The following CSMD1 variants were observed in gnomAD, a reference collection of about 807,000 sequenced individuals.
CSMD1 encodes the protein CUB and sushi domain-containing protein 1.
In CSMD1, 213 loss-of-function variants were observed where a neutral mutation model predicts 417.5. That is an observed-to-expected ratio of 0.51 (90% CI 0.46 to 0.57). The LOEUF is 0.57. Ranked by LOEUF, CSMD1 falls within the 20% of genes least tolerant of loss-of-function variation. The pLI, the probability that CSMD1 is intolerant of heterozygous loss-of-function variation, is 0.00. For missense variants in CSMD1, 6,923 were observed against 4,529.7 expected, an observed-to-expected ratio of 1.53 and a Z score of -15.17; for synonymous variants, 2,862 against 1,736.8, an observed-to-expected ratio of 1.65 and a Z score of -16.11.
At chr8:3,926,101 AC>A (rs1477282012) in intron 5 of CSMD1, among the ~76,000 whole-genome samples, 16 of 86,878 alleles carry the variant, frequency 1.8e-4, no homozygotes, top group African/African-American at 6.8e-4. Flanking sequence ...ACACACACAC[AC>A]ACACACACAC....
chr8:3,201,422 G>C (rs1271654588), intron 32 of CSMD1, among the ~76,000 whole-genome samples, 190 bp downstream of exon 32: 7 of 152,112 alleles, frequency 4.6e-5, no homozygotes, highest in Admixed American at 4.6e-4. Context: ...AAAAGCACGT[G>C]ATTTTATGTG....
intron 46 of CSMD1, among the ~76,000 whole-genome samples, chr8:3,101,744 C>T (rs1815762574): frequency 6.6e-6 from 1 of 151,234 alleles, no homozygotes; most frequent in African/African-American, 2.4e-5. Flanking sequence ...TTTCAAAGAA[C>T]AATGCACTCT....
At chr8:3,788,650 G>A (rs1043895430) in intron 5 of CSMD1, among the ~76,000 whole-genome samples, 3 of 152,170 alleles carry the variant, frequency 2.0e-5, no homozygotes, top group Non-Finnish European at 4.4e-5. Flanking sequence ...CTCTGAGGTA[G>A]ATAAATGTAG....
At chr8:4,855,927 C>A (rs1188728113) in intron 1 of CSMD1, among the ~76,000 whole-genome samples, 1 of 149,806 alleles carries the variant, frequency 6.7e-6, no homozygotes, top group Non-Finnish European at 1.5e-5. Context: ...CACAAAGATA[C>A]TCCTCGAGAA....
At chr8:3,954,524 T>G (rs1811806447) in intron 5 of CSMD1, among the ~76,000 whole-genome samples, 1 of 151,826 alleles carries the variant, frequency 6.6e-6, no homozygotes, top group Admixed American at 6.6e-5. Flanking sequence ...CCACCACCAC[T>G]CCCAGATAAT....
intron 42 of CSMD1, among the ~76,000 whole-genome samples, chr8:3,118,039 G>C (rs529472120): frequency 7.9e-5 from 12 of 152,124 alleles, no homozygotes; most frequent in Admixed American, 2.6e-4. Context: ...TTTTCCCTCT[G>C]GTCCTACAAT....
At chr8:3,834,817 A>T (rs1004134306) in intron 5 of CSMD1, among the ~76,000 whole-genome samples, 1 of 152,050 alleles carries the variant, frequency 6.6e-6, no homozygotes, top group Non-Finnish European at 1.5e-5. Flanking sequence ...CAACCTACTC[A>T]TCTGACAAAG....
At chr8:4,832,504 C>A (rs547089520) in intron 1 of CSMD1, among the ~76,000 whole-genome samples, 6 of 152,194 alleles carry the variant, frequency 3.9e-5, no homozygotes, top group Non-Finnish European at 7.4e-5. Flanking sequence ...CTTCTCTAGG[C>A]AGAAGGAACT....
At chr8:3,665,413 C>G (rs2117481937) in intron 7 of CSMD1, among the ~76,000 whole-genome samples, 1 of 152,180 alleles carries the variant, frequency 6.6e-6, no homozygotes, top group African/African-American at 2.4e-5. Context: ...CCAGTAATAC[C>G]AGCTACTCCG....
At chr8:3,470,244 T>C (rs543489753) in intron 11 of CSMD1, among the ~76,000 whole-genome samples, 6 of 152,334 alleles carry the variant, frequency 3.9e-5, no homozygotes, top group African/African-American at 1.4e-4. Flanking sequence ...GTGAAATGTA[T>C]TCATGTTATT....
intron 26 of CSMD1, among the ~76,000 whole-genome samples, chr8:3,246,454 CTCTT>C (rs940550257): frequency 6.6e-6 from 1 of 152,102 alleles, no homozygotes; most frequent in Non-Finnish European, 1.5e-5. Context: ...CACCCCCATT[CTCTT>C]TATTTTATTT....
chr8:4,936,059 G>A (rs1218742291), intron 1 of CSMD1, among the ~76,000 whole-genome samples: 1 of 152,162 alleles, frequency 6.6e-6, no homozygotes, highest in Non-Finnish European at 1.5e-5. Context: ...CAAAGAAACA[G>A]CAAAGGGAAA....
chr8:4,472,844 G>A (rs892100946), intron 2 of CSMD1, among the ~76,000 whole-genome samples: 5 of 151,876 alleles, frequency 3.3e-5, no homozygotes, highest in African/African-American at 1.2e-4. Context: ...TTCTGTAAGT[G>A]TGATGACATA....
chr8:3,742,383 C>G (rs1351296810), intron 6 of CSMD1, among the ~76,000 whole-genome samples: 2 of 152,134 alleles, frequency 1.3e-5, no homozygotes. Context: ...TTTTCAAGAA[C>G]TATAAGTAAA....
At chr8:3,072,907 T>C (rs922523077) in intron 49 of CSMD1, among the ~76,000 whole-genome samples, 1 of 152,158 alleles carries the variant, frequency 6.6e-6, no homozygotes, top group African/African-American at 2.4e-5. Context: ...AAACCCAGTA[T>C]TTGCCTTCAA....
At chr8:3,601,802 A>G (rs1039742820) in intron 8 of CSMD1, among the ~76,000 whole-genome samples, 1 of 151,816 alleles carries the variant, frequency 6.6e-6, no homozygotes, top group Non-Finnish European at 1.5e-5. Flanking sequence ...TCGTTTAAAA[A>G]CTCTTCAGAA....
chr8:3,979,691 C>T (rs986369926), intron 5 of CSMD1, among the ~76,000 whole-genome samples: 20 of 152,290 alleles, frequency 1.3e-4, no homozygotes, highest in Admixed American at 4.6e-4. Flanking sequence ...TGAGCCAGGA[C>T]GCAATGCGTA....
At chr8:3,063,277 T>C (rs1054933348) in intron 49 of CSMD1, among the ~76,000 whole-genome samples, 2 of 152,146 alleles carry the variant, frequency 1.3e-5, no homozygotes, top group Non-Finnish European at 2.9e-5. Context: ...AACAAGTGAC[T>C]TAACCTATTT....
intron 2 of CSMD1, among the ~76,000 whole-genome samples, chr8:4,436,375 T>A (rs1282775437): frequency 6.6e-6 from 1 of 152,192 alleles, no homozygotes; most frequent in Non-Finnish European, 1.5e-5. Context: ...GATTTATACA[T>A]CAAACGTGCT....
Sources: allele counts gnomAD v4.1 joint callset (sites outside exome capture counted in the v4.1 genomes callset), GRCh38; gene constraint gnomAD v4.1.1; transcripts MANE v1.5; gene names NCBI Gene and HGNC (gene_info 2026-07-23, HGNC 2026-07-21).